The following C4orf50 variants were observed in gnomAD, a reference collection of about 807,000 sequenced individuals.
C4orf50 encodes uncharacterized protein C4orf50.
In C4orf50, 80 loss-of-function variants were observed where a neutral mutation model predicts 77.2. That is an observed-to-expected ratio of 1.04 (90% CI 0.87 to 1.25). The LOEUF is 1.25. Ranked by LOEUF, C4orf50 falls within the 50% of genes most tolerant of loss-of-function variation. The pLI is 0.00. For synonymous variants in C4orf50, 532 were observed against 465.3 expected, an observed-to-expected ratio of 1.14 and a Z score of -1.84; for missense variants, 1,257 against 1,152.9, an observed-to-expected ratio of 1.09 and a Z score of -1.31.
chr4:5,945,516 G>A (rs781651337), intron 7 of C4orf50, among the ~76,000 whole-genome samples: 1 of 152,154 alleles, frequency 6.6e-6, no homozygotes, highest in Non-Finnish European at 1.5e-5. Context: ...GCAGATCGGA[G>A]ACCCACATGG....
chr4:5,903,476 GA>G (rs1290250500), intron 7 of C4orf50: 2 of 152,174 alleles, frequency 1.3e-5, no homozygotes, highest in African/African-American at 4.8e-5. Context: ...AAAAAGGAAG[GA>G]AACTCTGACA....
At chr4:5,996,137 G>A (rs910375976) in intron 25 of C4orf50, among the ~76,000 whole-genome samples, 1 of 152,214 alleles carries the variant, frequency 6.6e-6, no homozygotes, top group African/African-American at 2.4e-5. Context: ...CTTTGCGCCA[G>A]CTTCCCCTCA....
chr4:5,905,590 C>T lies in C4orf50; in HGVS notation c.*2475-7402G>A, dbSNP rs1027264606. The T allele has an allele frequency of 1.4e-4, 21 of 152,326 alleles. No individual in the cohort carries two copies. The highest frequency in any genetic ancestry group is 4.6e-4 in the African/African-American group (19 of 41,574). The allele number at this position is 152,326 out of a possible 1,614,324, so 9.4% of individuals were successfully genotyped here. A position where few individuals can be genotyped will look rare whatever the true frequency, so the allele number is the denominator to read the frequency against. ...AACACCATATGTGGTGGACTTATAT[C>T]ATGGAGTATCTATCATACAATTATC... is the stretch of plus-strand genomic sequence containing the variant. On this transcript the variant is annotated intron_variant, in intron 7 of 7. Transcript: ENST00000324058. The surrounding 1 kb of genome is among the most constrained non-coding windows in gnomAD (Gnocchi z 5.4).
At chr4:5,978,113 T>C (rs1450596829) in intron 29 of C4orf50, among the ~76,000 whole-genome samples, 1 of 152,082 alleles carries the variant, frequency 6.6e-6, no homozygotes, top group African/African-American at 2.4e-5. Context: ...TCAAAACCAA[T>C]GAGAGACAAT....
intron 7 of C4orf50, among the ~76,000 whole-genome samples, chr4:5,943,161 G>C (rs182138087): frequency 4.6e-5 from 7 of 152,262 alleles, no homozygotes; most frequent in Middle Eastern, 6.8e-3. Flanking sequence ...ATTTGGCCTC[G>C]TTCCTCACAG....
Position 6,009,929 on chromosome 4 carries a change from A to G in C4orf50, c.427-1397T>C, listed in dbSNP as rs1206338221. Among the ~76,000 whole-genome samples, 1 of 152,022 alleles carries G rather than the reference A, an allele frequency of 6.6e-6. No homozygotes were observed. The highest frequency in any genetic ancestry group is 1.5e-5 in the Non-Finnish European group (1 of 68,006). On this transcript the variant is annotated intron_variant, in intron 24 of 33. Transcript: ENST00000531445. This position sits in a 1 kb window ranked among gnomAD's most constrained non-coding sequence, Gnocchi z 5.6. Reference sequence around the variant, plus strand: ...GGTTTTGTGATGAGTCTTTCCCGGGAGCATACACAGCACATGAGACAGATT... The same window carrying G: ...GGTTTTGTGATGAGTCTTTCCCGGGGGCATACACAGCACATGAGACAGATT...
At chr4:5,996,769 C>G (rs955822970) in intron 25 of C4orf50, among the ~76,000 whole-genome samples, 1 of 152,200 alleles carries the variant, frequency 6.6e-6, no homozygotes, top group Non-Finnish European at 1.5e-5. Context: ...GAGCCTCAAC[C>G]CAAACCTATT....
At chr4:5,950,684 G>A (rs937107707) in intron 7 of C4orf50, among the ~76,000 whole-genome samples, 6 of 123,928 alleles carry the variant, frequency 4.8e-5, no homozygotes, top group Non-Finnish European at 8.2e-5. Flanking sequence ...CACCCTCCTC[G>A]TTTCCTACCC....
intron 7 of C4orf50, among the ~76,000 whole-genome samples, chr4:5,917,574 C>T (rs1717086491): frequency 6.6e-6 from 1 of 151,836 alleles, no homozygotes. Context: ...CCACCACATC[C>T]AGCTAATTTT....
At chr4:6,005,511 C>T (rs549686967) in intron 25 of C4orf50, among the ~76,000 whole-genome samples, 35 of 152,304 alleles carry the variant, frequency 2.3e-4, no homozygotes, top group Middle Eastern at 3.4e-3. Context: ...TAACAAACTC[C>T]GATCCCAGGA....
intron 33 of C4orf50, among the ~76,000 whole-genome samples, chr4:5,964,628 C>T (rs1043736215): frequency 6.6e-6 from 1 of 151,812 alleles, no homozygotes; most frequent in Non-Finnish European, 1.5e-5. Flanking sequence ...ATTAGCCGGG[C>T]ATGGTGGTGG....
intron 25 of C4orf50, among the ~76,000 whole-genome samples, chr4:5,999,417 C>G (rs372678603): frequency 3.3e-5 from 5 of 152,324 alleles, no homozygotes; most frequent in African/African-American, 1.2e-4. Flanking sequence ...GCAATAAGCA[C>G]TCCAAAAGTT....
At chr4:5,974,103 G>A (rs1188055346) in intron 30 of C4orf50, among the ~76,000 whole-genome samples, 2 of 152,338 alleles carry the variant, frequency 1.3e-5, no homozygotes, top group Non-Finnish European at 2.9e-5. Flanking sequence ...GGTCAAGAGC[G>A]TGGATTTGGG....
chr4:5,922,529 T>C (rs1389177987), intron 7 of C4orf50, among the ~76,000 whole-genome samples: 1 of 152,084 alleles, frequency 6.6e-6, no homozygotes, highest in Non-Finnish European at 1.5e-5. Context: ...CTTGGGGGAA[T>C]TGGACCCACG....
At chr4:5,928,613 C>T (rs1003748897) in intron 7 of C4orf50, among the ~76,000 whole-genome samples, 1 of 152,176 alleles carries the variant, frequency 6.6e-6, no homozygotes, top group South Asian at 2.1e-4. Context: ...GGCATGAACA[C>T]CCTGCATGCT....
At chr4:5,980,103 G>T in intron 29 of C4orf50, 71 bp downstream of exon 7, 3 of 1,346,042 alleles carry the variant, frequency 2.2e-6, no homozygotes, top group Non-Finnish European at 1.0e-6. Context: ...GCAAATCTTT[G>T]TTCACTCCCA....
intron 7 of C4orf50, among the ~76,000 whole-genome samples, chr4:5,906,581 G>A (rs1362305479): frequency 6.6e-6 from 1 of 152,168 alleles, no homozygotes; most frequent in African/African-American, 2.4e-5. Context: ...AACTCTGTCT[G>A]TGCACAGCAT....
intron 25 of C4orf50, among the ~76,000 whole-genome samples, chr4:6,003,864 T>TGGTGATGAA (rs1721992766): frequency 7.1e-6 from 1 of 140,880 alleles, no homozygotes; most frequent in Non-Finnish European, 1.5e-5. Context: ...ATGATGGTGA[T>TGGTGATGAA]GGTGATGATG....
chr4:5,908,350 A>T lies in C4orf50; in HGVS notation c.*2475-10162T>A, dbSNP rs1051907420. The stretch of plus-strand genomic sequence containing the variant: ...ATGACAGGGTACATGCAGGAAGCTC[A>T]CTGCACTGCACTGCATGTGTGGGGA... On this transcript the variant is annotated intron_variant, in intron 7 of 7. Transcript: ENST00000324058. The surrounding 1 kb of genome is among the most constrained non-coding windows in gnomAD (Gnocchi z 5.6). Among the ~76,000 whole-genome samples, 1 of 152,176 alleles carries T rather than the reference A, an allele frequency of 6.6e-6. No homozygotes were observed. Among genetic ancestry groups the T allele is most frequent in the Non-Finnish European group, 1.5e-5 (1 of 68,014 alleles).
Sources: allele counts gnomAD v4.1 joint callset (sites outside exome capture counted in the v4.1 genomes callset), GRCh38; gene constraint gnomAD v4.1.1; non-coding constraint Gnocchi (gnomAD v3.1); transcripts MANE v1.5; gene names NCBI Gene and HGNC (gene_info 2026-07-23, HGNC 2026-07-21).